KIAA2012: variants seen among roughly 807,000 people sequenced by gnomAD.
KIAA2012 encodes the protein KIAA2012.
KIAA2012 carries 125 observed loss-of-function variants against 150.6 expected under a neutral mutation model. That is an observed-to-expected ratio of 0.83 (90% confidence interval 0.72 to 0.96). KIAA2012 has a LOEUF of 0.96. Ranked by LOEUF, KIAA2012 falls within the 40% of genes least tolerant of loss-of-function variation. The pLI, the probability that KIAA2012 is intolerant of heterozygous loss-of-function variation, is 0.00. For synonymous variants in KIAA2012, 462 were observed against 504.7 expected (o/e 0.92, Z 1.13); for missense variants, 1,219 against 1,354.9 (o/e 0.90, Z 1.57).
intron 13 of KIAA2012, among the ~76,000 whole-genome samples, chr2:202,153,445 C>T (rs1691467932): frequency 6.6e-6 from 1 of 152,188 alleles, no homozygotes; most frequent in Non-Finnish European, 1.5e-5. Flanking sequence ...GGGCTGGTGC[C>T]CATGTGGCCC....
At chr2:202,084,572 C>A (rs1689520800) in intron 2 of KIAA2012, among the ~76,000 whole-genome samples, 1 of 152,162 alleles carries the variant, frequency 6.6e-6, no homozygotes, top group Non-Finnish European at 1.5e-5. Context: ...CCGAGGCAGG[C>A]CTGAACAGTC....
intron 3 of KIAA2012, among the ~76,000 whole-genome samples, chr2:202,092,276 G>A (rs1438285607): frequency 6.6e-6 from 1 of 152,206 alleles, no homozygotes; most frequent in East Asian, 1.9e-4. Flanking sequence ...AGAATCTGGT[G>A]TAAGCCCATC....
rs1403295248 is a variant in KIAA2012, at chr2:202,188,207, C to G, written c.2432C>G (p.Thr811Ser). Residue 811 changes from threonine to serine, a missense_variant, in exon 18 of 24, where the codon ACC becomes AGC. Physicochemically the swap from Thr to Ser is moderately conservative, Grantham distance 58. Coordinates refer to ENST00000498697, the MANE Select transcript of KIAA2012 (RefSeq NM_001277372.4). ...AAGGAAAAACCCAAGAAAGACAAAA[C>G]CAAAGGACCCAAAAGCGAGAGAGAA... ...KRKEKPKKDK[T>S]KGPKSEREGK... The G allele has an allele frequency of 1.3e-6, 2 of 1,550,384 alleles. No individual in the cohort carries two copies. The highest frequency in any genetic ancestry group is 2.4e-5 in the East Asian group (1 of 40,918).
At chr2:202,101,345 C>T (rs986578673) in intron 7 of KIAA2012, among the ~76,000 whole-genome samples, 1 of 152,184 alleles carries the variant, frequency 6.6e-6, no homozygotes, top group African/African-American at 2.4e-5. Context: ...CTGAGTTGAT[C>T]TAAACCTTTC....
At chr2:202,168,656 A>G (rs1214781805) in intron 15 of KIAA2012, among the ~76,000 whole-genome samples, 1 of 152,088 alleles carries the variant, frequency 6.6e-6, no homozygotes, top group Admixed American at 6.6e-5. Flanking sequence ...AAGTCCAGGT[A>G]TGGGCAGCAG....
At chr2:202,122,282 G>C (rs1433726882) in intron 11 of KIAA2012, among the ~76,000 whole-genome samples, 1 of 152,204 alleles carries the variant, frequency 6.6e-6, no homozygotes, top group Admixed American at 6.5e-5. Flanking sequence ...GAGGGCTCAG[G>C]CTACTGCAAA....
chr2:202,123,914 C>G (rs1690713763), intron 11 of KIAA2012, among the ~76,000 whole-genome samples: 1 of 152,108 alleles, frequency 6.6e-6, no homozygotes, highest in South Asian at 2.1e-4. Flanking sequence ...TCCTGCTGGG[C>G]ATGGTGGCTC....
At chr2:202,178,966 T>C (rs55787632) in intron 15 of KIAA2012, 7,542 of 280,954 alleles carry the variant, frequency 0.027, 591 homozygotes, top group African/African-American at 0.16. Flanking sequence ...AATGGAATAA[T>C]GGGTGAACTT....
intron 23 of KIAA2012, among the ~76,000 whole-genome samples, chr2:202,203,206 C>G (rs1311193402): frequency 6.6e-6 from 1 of 152,106 alleles, no homozygotes; most frequent in Admixed American, 6.6e-5. Flanking sequence ...CAAAGTATTT[C>G]ATTTCAGTCA....
chr2:202,086,987 C>G (rs1022617448), intron 2 of KIAA2012, among the ~76,000 whole-genome samples: 2 of 152,186 alleles, frequency 1.3e-5, no homozygotes, highest in African/African-American at 4.8e-5. Flanking sequence ...CTGCAAGCAA[C>G]ATAGTTCATG....
At chr2:202,112,619 C>T (rs917923253) in intron 10 of KIAA2012, among the ~76,000 whole-genome samples, 8 of 152,160 alleles carry the variant, frequency 5.3e-5, no homozygotes, top group Non-Finnish European at 8.8e-5. Flanking sequence ...CTGACACCAT[C>T]TCCAGGTAAA....
At chr2:202,123,531 G>A (rs777506114) in intron 11 of KIAA2012, among the ~76,000 whole-genome samples, 5 of 152,052 alleles carry the variant, frequency 3.3e-5, no homozygotes, top group African/African-American at 4.8e-5. Flanking sequence ...CTCAGCTATC[G>A]GTGCGCACGT....
chr2:202,171,847 C>CTTTTT lies in KIAA2012; in HGVS notation c.2119+6506_2119+6510dup, dbSNP rs60916677. ...AAAGGGAAGTAATTTTTGGCATTTA[C>CTTTTT]TTTTTTTTTTTTTTTTTTTGGAGAC... On this transcript the variant is annotated intron_variant, in intron 15 of 23. Transcript: ENST00000498697. Among the ~76,000 whole-genome samples, 114 of 116,690 alleles carry CTTTTT rather than the reference C, an allele frequency of 9.8e-4. 1 individual carries two copies. The highest frequency in any genetic ancestry group is 3.7e-3 in the African/African-American group (108 of 29,288). The allele number at this position is 116,690 out of a possible 152,430, so 76.6% of individuals were successfully genotyped here. A position where few individuals can be genotyped will look rare whatever the true frequency, so the allele number is the denominator to read the frequency against.
chr2:202,138,475 A>C lies in KIAA2012; in HGVS notation c.1875A>C (p.Glu625Asp), dbSNP rs1185063709. Residue 625 changes from glutamate to aspartate, a missense_variant, in exon 13 of 24, where the codon GAA (glutamate) becomes GAC (aspartate). Physicochemically the swap from Glu to Asp is conservative, Grantham distance 45. Transcript: ENST00000498697. The stretch of plus-strand genomic sequence containing the variant: ...CCAATCTTCACATGAACCTTTATGA[A>C]ACCTCACCGTTGACCCAAACAACAG... ...PRANLHMNLYETSPLTQTTEK... is the reference protein window; with the variant it reads ...PRANLHMNLYDTSPLTQTTEK... 6.4e-7 allele frequency: 1 copy of C among 1,550,584 alleles called. No homozygotes were observed. The highest frequency in any genetic ancestry group is 1.2e-5 in the South Asian group (1 of 84,058).
At chr2:202,105,082 A>G (rs1690147171) in intron 8 of KIAA2012, among the ~76,000 whole-genome samples, 1 of 152,148 alleles carries the variant, frequency 6.6e-6, no homozygotes, top group Non-Finnish European at 1.5e-5. Context: ...TAAAAGCATC[A>G]TGAGCCTAAC....
At position 202,125,287 on chromosome 2, in the gene KIAA2012, G is replaced by C. The variant is rs143131491; in HGVS notation, c.1831+5G>C. On this transcript the variant is annotated splice_donor_5th_base_variant and intron_variant, in intron 12 of 23. Coordinates refer to ENST00000498697, the MANE Select transcript of KIAA2012 (RefSeq NM_001277372.4). The stretch of plus-strand genomic sequence containing the variant: ...GTAGTCAGCATTTCCTAAAAGGTAA[G>C]CTTTTCCACTAAAAAGTCACCTCGA... 209 of 1,548,058 alleles carry C rather than the reference G, an allele frequency of 1.4e-4. No homozygotes were observed. The highest frequency in any genetic ancestry group is 1.2e-3 in the Middle Eastern group (7 of 5,986).
intron 5 of KIAA2012, among the ~76,000 whole-genome samples, chr2:202,099,394 G>T (rs769274441): frequency 6.6e-6 from 1 of 151,904 alleles, no homozygotes; most frequent in Non-Finnish European, 1.5e-5. Context: ...TATATGTCAG[G>T]CATGGCTAAG....
chr2:202,091,632 A>C (rs1689726310), intron 3 of KIAA2012, among the ~76,000 whole-genome samples: 1 of 152,238 alleles, frequency 6.6e-6, no homozygotes, highest in African/African-American at 2.4e-5. Flanking sequence ...TTACGCTTGC[A>C]ATCTTCAATC....
In KIAA2012 at chr2:202,138,439, T is replaced by A. The variant is rs750256184; in HGVS notation, c.1839T>A (p.Thr613=). Residue 613 remains threonine (T), a synonymous_variant, in exon 13 of 24, where the codon ACT becomes ACA. Coordinates refer to ENST00000498697, the MANE Select transcript of KIAA2012 (RefSeq NM_001277372.4). The part of the protein sequence containing the change: ...PSSQHFLKAN[T]EPRANLHMNL... ...CTTTGATTTTCACTACAGCAAACAC[T>A]GAACCTAGAGCCAATCTTCACATGA... is the stretch of plus-strand genomic sequence containing the variant. The A allele has an allele frequency of 6.4e-7, 1 of 1,550,634 alleles. No homozygotes were observed. Among genetic ancestry groups the A allele is most frequent in the South Asian group, 1.2e-5 (1 of 84,054 alleles).
Sources: allele counts gnomAD v4.1 joint callset (sites outside exome capture counted in the v4.1 genomes callset), GRCh38; gene constraint gnomAD v4.1.1; transcripts MANE v1.5; gene names NCBI Gene and HGNC (gene_info 2026-07-23, HGNC 2026-07-21).